SRGAP3: variants seen among roughly 807,000 people sequenced by gnomAD.
SRGAP3 encodes the protein SLIT-ROBO Rho GTPase activating protein 3.
SRGAP3 carries 39 observed loss-of-function variants against 121.1 expected under a neutral mutation model. The ratio of observed to expected loss-of-function variants is 0.32; its 90% CI spans 0.25 to 0.42. The LOEUF is 0.42. Ranked by LOEUF, SRGAP3 falls within the 10% of genes least tolerant of loss-of-function variation. The pLI is 1.00. For synonymous variants in SRGAP3, 601 were observed against 570.0 expected (o/e 1.05, Z -0.77); for missense variants, 1,213 against 1,470.6 (o/e 0.82, Z 2.86).
At chr3:9,078,827 T>C (rs1353677834) in intron 4 of SRGAP3, among the ~76,000 whole-genome samples, 1 of 152,206 alleles carries the variant, frequency 6.6e-6, no homozygotes, top group Non-Finnish European at 1.5e-5. Context: ...ACTCAAGTTT[T>C]GCTTCTTAAT....
intron 3 of SRGAP3, among the ~76,000 whole-genome samples, chr3:9,099,073 C>G (rs1948103291): frequency 6.6e-6 from 1 of 152,200 alleles, no homozygotes; most frequent in Admixed American, 6.5e-5. Context: ...ATAAACTTGG[C>G]TTTGAATCCA....
At chr3:9,322,822 C>T (rs750723919) in intron 3 of SRGAP3, among the ~76,000 whole-genome samples, 5 of 151,730 alleles carry the variant, frequency 3.3e-5, no homozygotes, top group African/African-American at 4.8e-5. Context: ...ACTTACCATA[C>T]GGCCCAGCAA....
At chr3:9,051,034 T>A (rs866362475) in intron 9 of SRGAP3, among the ~76,000 whole-genome samples, 1,582 of 141,168 alleles carry the variant, frequency 0.011, 45 homozygotes, top group African/African-American at 0.038. Flanking sequence ...TTTTTTTTTT[T>A]TTTTTTTTTT....
At chr3:9,220,257 C>T (rs1305175362) in intron 1 of SRGAP3, among the ~76,000 whole-genome samples, 1 of 152,184 alleles carries the variant, frequency 6.6e-6, no homozygotes, top group East Asian at 1.9e-4. Flanking sequence ...GATTTGATCA[C>T]TCCATATTGT....
chr3:9,036,590 A>C (rs896975649), intron 11 of SRGAP3: 1 of 142,464 alleles, frequency 7.0e-6, no homozygotes, highest in Non-Finnish European at 1.5e-5. Context: ...AAACAAAACA[A>C]AACACACAAA....
At chr3:9,263,376 A>G (rs1954291000) in intron 3 of SRGAP3, among the ~76,000 whole-genome samples, 1 of 152,038 alleles carries the variant, frequency 6.6e-6, no homozygotes, top group South Asian at 2.1e-4. Context: ...TCAGAGCAGA[A>G]CAGAAGGAGA....
intron 1 of SRGAP3, among the ~76,000 whole-genome samples, chr3:9,191,237 T>A (rs969093363): frequency 3.3e-5 from 5 of 152,092 alleles, no homozygotes; most frequent in African/African-American, 1.2e-4. Flanking sequence ...GTCTCCCGGA[T>A]TATAATGATT....
intron 1 of SRGAP3, among the ~76,000 whole-genome samples, chr3:9,177,981 C>T (rs1951240804): frequency 6.6e-6 from 1 of 152,116 alleles, no homozygotes; most frequent in African/African-American, 2.4e-5. Flanking sequence ...AGAAGGTAAG[C>T]CTGGGGCTGG....
At chr3:9,276,668 G>A (rs754662158) in intron 3 of SRGAP3, among the ~76,000 whole-genome samples, 16 of 152,004 alleles carry the variant, frequency 1.1e-4, no homozygotes, top group Non-Finnish European at 1.8e-4. Context: ...TTTGTGATCC[G>A]CCCACCTTGG....
In SRGAP3 at chr3:8,984,691, C is replaced by T. The variant is rs962386633; in HGVS notation, c.*828G>A. On this transcript the variant is annotated 3_prime_UTR_variant, in exon 22 of 22. Coordinates refer to ENST00000383836, the MANE Select transcript of SRGAP3 (RefSeq NM_014850.4). ...CCATGCCTTTGGGAGTACAGTTGGC[C>T]TTTGGCCTCCGGGTGGAAGGGCAGG... 8.6e-6 allele frequency: 2 copies of T among 232,602 alleles called. No individual in the cohort carries two copies. The highest frequency in any genetic ancestry group is 1.1e-4 in the Admixed American group (2 of 17,758). The allele number at this position is 232,602 out of a possible 1,614,324, so 14.4% of individuals were successfully genotyped here.
chr3:9,259,470 AT>A (rs1293662260), intron 3 of SRGAP3, among the ~76,000 whole-genome samples: 3 of 151,958 alleles, frequency 2.0e-5, no homozygotes, highest in Non-Finnish European at 4.4e-5. Context: ...TGCCCAGCTA[AT>A]TTTTTTATTT....
At chr3:9,063,430 A>G (rs1946273368) in intron 5 of SRGAP3, among the ~76,000 whole-genome samples, 1 of 151,098 alleles carries the variant, frequency 6.6e-6, no homozygotes, top group African/African-American at 2.4e-5. Flanking sequence ...TGCCTGGCCC[A>G]GACAATCTTT....
chr3:9,122,147 C>T (rs1212453924), intron 2 of SRGAP3, among the ~76,000 whole-genome samples: 2 of 152,066 alleles, frequency 1.3e-5, no homozygotes, highest in East Asian at 1.9e-4. Context: ...GTGCTCGGTT[C>T]GATACATTAT....
At chr3:9,206,480 CCT>C (rs1214390908) in intron 1 of SRGAP3, among the ~76,000 whole-genome samples, 5 of 152,218 alleles carry the variant, frequency 3.3e-5, no homozygotes, top group Non-Finnish European at 5.9e-5. Context: ...CACAAATCCC[CCT>C]GACTGTGCCA....
At chr3:9,069,440 C>T (rs1946580620) in intron 4 of SRGAP3, among the ~76,000 whole-genome samples, 1 of 152,124 alleles carries the variant, frequency 6.6e-6, no homozygotes, top group Admixed American at 6.5e-5. Flanking sequence ...TCTGAAGGGC[C>T]CCTCAGAGGT....
intron 2 of SRGAP3, among the ~76,000 whole-genome samples, chr3:9,116,883 C>G (rs1384319977): frequency 6.6e-6 from 1 of 152,164 alleles, no homozygotes; most frequent in East Asian, 1.9e-4. Context: ...ATAAAGACAG[C>G]CCCTTCTTCA....
At chr3:9,063,815 T>C (rs116067862) in intron 5 of SRGAP3, among the ~76,000 whole-genome samples, 90 of 152,330 alleles carry the variant, frequency 5.9e-4, no homozygotes, top group Non-Finnish European at 1.1e-3. Flanking sequence ...CCAGCTCATT[T>C]GACTCCAAAG....
chr3:9,361,900 C>G (rs1368087855), intron 1 of SRGAP3, among the ~76,000 whole-genome samples: 1 of 152,128 alleles, frequency 6.6e-6, no homozygotes, highest in African/African-American at 2.4e-5. Flanking sequence ...GTAGAAAACT[C>G]TACCCTTGGA....
At chr3:9,179,679 G>T (rs754795978) in intron 1 of SRGAP3, among the ~76,000 whole-genome samples, 2 of 152,220 alleles carry the variant, frequency 1.3e-5, no homozygotes, top group African/African-American at 4.8e-5. Context: ...AGCTCTTCCA[G>T]GCCTCTGTCA....
Sources: gnomAD v4.1 joint callset for allele counts (sites outside exome capture counted in the v4.1 genomes callset) on GRCh38, gnomAD v4.1.1 for gene constraint, MANE v1.5 for transcripts, NCBI Gene and HGNC (gene_info 2026-07-23, HGNC 2026-07-21) for gene names.